WWP1: variants seen among roughly 807,000 people sequenced by gnomAD.
The protein encoded by WWP1 is WW domain containing E3 ubiquitin protein ligase 1, also known as NEDD4-like E3 ubiquitin-protein ligase WWP1.
In WWP1, 49 loss-of-function variants were observed where a neutral mutation model predicts 130.6. That is an observed-to-expected ratio of 0.38 (90% CI 0.30 to 0.48). The LOEUF is 0.48. Ranked by LOEUF, WWP1 falls within the 20% of genes least tolerant of loss-of-function variation. The probability of loss-of-function intolerance (pLI) is 0.99; values close to 1 mark genes in which losing one functional copy is unlikely to be tolerated. For missense variants in WWP1, 809 were observed against 1,100.6 expected (o/e 0.74, Z 3.75); for synonymous variants, 332 against 367.8 (o/e 0.90, Z 1.11).
At chr8:86,401,112 C>T (rs1270154755) in intron 7 of WWP1, among the ~76,000 whole-genome samples, 3 of 151,274 alleles carry the variant, frequency 2.0e-5, no homozygotes, top group African/African-American at 7.3e-5. Flanking sequence ...TATTTATTTG[C>T]TGATGTATAT....
chr8:86,387,680 G>T (rs1222348832), intron 5 of WWP1, among the ~76,000 whole-genome samples: 2 of 151,816 alleles, frequency 1.3e-5, no homozygotes, highest in Admixed American at 1.3e-4. Context: ...GCACCACCAT[G>T]TGCGGCTCAT....
At chr8:86,429,936 C>A (rs1258906905) in intron 11 of WWP1, among the ~76,000 whole-genome samples, 1 of 152,168 alleles carries the variant, frequency 6.6e-6, no homozygotes, top group African/African-American at 2.4e-5. Flanking sequence ...CGGTGGCTTA[C>A]ACCTGTAATC....
chr8:86,378,587 T>C (rs1173566262), intron 3 of WWP1, among the ~76,000 whole-genome samples: 1 of 152,192 alleles, frequency 6.6e-6, no homozygotes, highest in Non-Finnish European at 1.5e-5. Context: ...CTATATATTC[T>C]ACTAACTAGA....
intron 20 of WWP1, 111 bp downstream of exon 20, chr8:86,448,624 C>A: frequency 9.9e-7 from 1 of 1,011,814 alleles, no homozygotes; most frequent in Non-Finnish European, 1.4e-6. Context: ...GTTCTTCTCA[C>A]CAGTACCAAT....
chr8:86,378,504 A>G (rs905941411), intron 3 of WWP1, among the ~76,000 whole-genome samples: 3 of 152,166 alleles, frequency 2.0e-5, no homozygotes, highest in African/African-American at 7.2e-5. Flanking sequence ...GTTTAAAAAT[A>G]CTTATATAAC....
At chr8:86,440,446 C>T (rs552829955) in intron 17 of WWP1, among the ~76,000 whole-genome samples, 3 of 152,272 alleles carry the variant, frequency 2.0e-5, no homozygotes, top group Non-Finnish European at 4.4e-5. Flanking sequence ...ATAAATTTCT[C>T]GCACACTTGT....
chr8:86,380,738 A>G lies in WWP1; in HGVS notation c.83A>G (p.Lys28Arg). 1.2e-6 allele frequency: 2 copies of G among 1,609,658 alleles called. No homozygotes were observed. Among genetic ancestry groups the G allele is most frequent in the Non-Finnish European group, 1.7e-6 (2 of 1,178,718 alleles). ...ATTTGTCTGTTAGTTTCTAGTGCCA[A>G]ACTTAAAAGAAAAAAGAACTGGTTC... is the stretch of plus-strand genomic sequence containing the variant. ...LQLQVTVSSA[K>R]LKRKKNWFGT... Residue 28 changes from lysine to arginine, a missense_variant, in exon 4 of 25, where the codon AAA becomes AGA. Lys to Arg is a conservative substitution (Grantham distance 26). Transcript: ENST00000517970.
chr8:86,357,294 C>T (rs1282961375), intron 1 of WWP1, among the ~76,000 whole-genome samples: 1 of 152,176 alleles, frequency 6.6e-6, no homozygotes, highest in Non-Finnish European at 1.5e-5. Context: ...GTTTTCTAAA[C>T]TGATGACTCT....
At chr8:86,347,049 G>A (rs1031249214) in intron 1 of WWP1, among the ~76,000 whole-genome samples, 1 of 151,628 alleles carries the variant, frequency 6.6e-6, no homozygotes, top group African/African-American at 2.4e-5. Flanking sequence ...TTGCTCTGTT[G>A]CCCAGGCTGG....
At chr8:86,422,306 G>A (rs1020190691) in intron 9 of WWP1, among the ~76,000 whole-genome samples, 1 of 146,438 alleles carries the variant, frequency 6.8e-6, no homozygotes, top group African/African-American at 2.6e-5. Flanking sequence ...CTTAAACTCA[G>A]AAGTACCAGT....
At position 86,425,332 on chromosome 8, in the gene WWP1, C is replaced by G; in HGVS notation, c.1157+14C>G. ...TTTACCTCCAGGGTAATATAGCACT[C>G]TTTATGCATTTGTAATTATATTTTA... On this transcript the variant is annotated intron_variant, in intron 10 of 24. Transcript: ENST00000517970. 6.4e-7 allele frequency: 1 copy of G among 1,570,362 alleles called. No homozygotes were observed. The highest frequency in any genetic ancestry group is 8.7e-7 in the Non-Finnish European group (1 of 1,154,002).
intron 1 of WWP1, among the ~76,000 whole-genome samples, chr8:86,359,157 T>C (rs1351757561): frequency 2.6e-5 from 4 of 152,220 alleles, no homozygotes; most frequent in African/African-American, 9.6e-5. Context: ...TAGTGAACTT[T>C]TCTTCTGGAG....
chr8:86,365,909 G>C (rs1823941348), intron 1 of WWP1, among the ~76,000 whole-genome samples: 1 of 152,188 alleles, frequency 6.6e-6, no homozygotes, highest in African/African-American at 2.4e-5. Flanking sequence ...GCACAATAAA[G>C]ACAGAACCTG....
chr8:86,463,855 G>T (rs2130130305), intron 24 of WWP1, among the ~76,000 whole-genome samples: 1 of 151,978 alleles, frequency 6.6e-6, no homozygotes, highest in East Asian at 2.0e-4. Context: ...GAGCTCAGGA[G>T]TTCGAGACCA....
chr8:86,380,595 T>C, intron 3 of WWP1, 131 bp from the exon 4 acceptor site: 1 of 1,033,262 alleles, frequency 9.7e-7, no homozygotes. Context: ...CCCTTTTGTA[T>C]TGTTTCTTCA....
chr8:86,461,115 A>T, intron 22 of WWP1, 109 bp from the exon 23 acceptor site: 1 of 1,036,462 alleles, frequency 9.6e-7, no homozygotes, highest in Non-Finnish European at 1.4e-6. Context: ...AACCTTTAGC[A>T]CATCTTTTGA....
intron 1 of WWP1, among the ~76,000 whole-genome samples, chr8:86,347,353 A>C (rs1189881640): frequency 6.6e-6 from 1 of 151,972 alleles, no homozygotes; most frequent in Non-Finnish European, 1.5e-5. Flanking sequence ...TTTCCAAAGT[A>C]TGTGGCTAGT....
intron 9 of WWP1, among the ~76,000 whole-genome samples, chr8:86,423,875 A>G (rs1340233559): frequency 1.2e-4 from 14 of 117,140 alleles, no homozygotes; most frequent in Admixed American, 3.4e-4. Flanking sequence ...TCCCTCCCGG[A>G]CGGGGCGGCT....
Position 86,448,258 on chromosome 8 carries a change from T to C in WWP1, c.2109T>C (p.Phe703=). ...ATTTGGAATCTATTGATACTGAATT[T>C]TATAACTCCCTTATCTGGATAAGGT... ...IKDLESIDTE[F]YNSLIWIRDN... The change falls in exon 19 of 25, where the codon TTT becomes TTC. Residue 703 remains phenylalanine, a synonymous_variant. Transcript: ENST00000517970. The C allele has an allele frequency of 1.9e-6, 3 of 1,582,886 alleles. No individual in the cohort carries two copies. Among genetic ancestry groups the C allele is most frequent in the Non-Finnish European group, 2.6e-6 (3 of 1,172,084 alleles).
Sources: gnomAD v4.1 joint callset for allele counts (sites outside exome capture counted in the v4.1 genomes callset) on GRCh38, gnomAD v4.1.1 for gene constraint, MANE v1.5 for transcripts, NCBI Gene and HGNC (gene_info 2026-07-23, HGNC 2026-07-21) for gene names.